ADGRV1: variants seen among roughly 807,000 people sequenced by gnomAD.
ADGRV1 encodes adhesion G protein-coupled receptor V1, also known as G-protein coupled receptor 98.
Under a neutral mutation model 596.2 loss-of-function variants are expected in ADGRV1, and 359 were observed. The ratio of observed to expected loss-of-function variants is 0.60; its 90% CI spans 0.55 to 0.66. The LOEUF (loss-of-function observed/expected upper bound fraction) is 0.66, where lower values mean the gene tolerates loss of function less well. ADGRV1 is among the 30% of genes least tolerant of loss of function. ADGRV1 has a pLI of 0.00. For missense variants in ADGRV1, 7,274 were observed against 7,575.6 expected, an observed-to-expected ratio of 0.96 and a Z score of 1.48; for synonymous variants, 2,681 against 2,679.2, an observed-to-expected ratio of 1.00 and a Z score of -0.02.
chr5:90,881,602 A>G (rs1769781552), intron 83 of ADGRV1, among the ~76,000 whole-genome samples: 1 of 152,162 alleles, frequency 6.6e-6, no homozygotes, highest in Non-Finnish European at 1.5e-5. Context: ...TGGGTGATGT[A>G]TATCAGGGAT....
At chr5:90,741,241 C>A (rs1216497099) in intron 50 of ADGRV1, among the ~76,000 whole-genome samples, 2 of 152,178 alleles carry the variant, frequency 1.3e-5, no homozygotes, top group Non-Finnish European at 2.9e-5. Context: ...TCCACACTAT[C>A]TTTACTTTGC....
intron 86 of ADGRV1, among the ~76,000 whole-genome samples, chr5:91,093,865 T>G (rs1018743068): frequency 2.0e-5 from 3 of 151,536 alleles, no homozygotes; most frequent in African/African-American, 4.8e-5. Flanking sequence ...TTTTTTTTTT[T>G]TTTTGAGATA....
chr5:90,710,939 T>C, intron 39 of ADGRV1, 42 bp from the exon 40 acceptor site: 1 of 1,155,448 alleles, frequency 8.7e-7, no homozygotes, highest in East Asian at 2.6e-5. Flanking sequence ...ATATTTTTAA[T>C]CATTTATATG....
At chr5:91,051,472 A>C (rs12189005) in intron 85 of ADGRV1, among the ~76,000 whole-genome samples, 35,645 of 151,374 alleles carry the variant, frequency 0.24, 4,511 homozygotes, top group Non-Finnish European at 0.28. Context: ...GAGCATATTT[A>C]AGGTAGGCTA....
At chr5:91,128,264 TC>T (rs1348842547) in intron 87 of ADGRV1, among the ~76,000 whole-genome samples, 5 of 152,010 alleles carry the variant, frequency 3.3e-5, no homozygotes, top group South Asian at 2.1e-4. Flanking sequence ...GTATAGACAG[TC>T]CCTGACTTAG....
chr5:91,161,298 C>G (rs532069152), intron 89 of ADGRV1, among the ~76,000 whole-genome samples: 5 of 152,142 alleles, frequency 3.3e-5, no homozygotes, highest in Admixed American at 2.6e-4. Context: ...ATTTGTCCTT[C>G]GAAGGCCTGG....
At position 90,694,324 on chromosome 5, in the gene ADGRV1, C is replaced by G; in HGVS notation, c.7568C>G (p.Thr2523Arg). The part of the protein sequence containing the change: ...MQEGDEFANL[T>R]VSILPDDFPE... ...GAAGGTGATGAATTCGCAAATCTCA[C>G]AGTGTCTATTCTTCCTGATGATTTC... The change falls in exon 33 of 90, where the codon ACA becomes AGA. Residue 2523 changes from threonine to arginine, a missense_variant. Physicochemically the swap from Thr to Arg is moderately conservative, Grantham distance 71. Around this residue, in one of 5 missense-constraint regions of ADGRV1, gnomAD observed 3,643 missense variants for 3,809.2 expected, o/e 0.96. Transcript: ENST00000405460. The G allele has an allele frequency of 2.5e-6, 4 of 1,613,994 alleles. No homozygotes were observed. The highest frequency in any genetic ancestry group is 3.4e-6 in the Non-Finnish European group (4 of 1,179,884).
chr5:90,994,655 C>T (rs1443655829), intron 85 of ADGRV1, among the ~76,000 whole-genome samples: 1 of 152,086 alleles, frequency 6.6e-6, no homozygotes, highest in Non-Finnish European at 1.5e-5. Flanking sequence ...ATTGGACATT[C>T]TATGTGGAAA....
chr5:91,037,260 C>T (rs1244489547), intron 85 of ADGRV1, among the ~76,000 whole-genome samples: 6 of 152,116 alleles, frequency 3.9e-5, no homozygotes, highest in South Asian at 2.1e-4. Flanking sequence ...TAGAAGGACA[C>T]GTCTTTTTTG....
At chr5:90,854,786 G>A (rs960931154) in intron 81 of ADGRV1, among the ~76,000 whole-genome samples, 1 of 152,176 alleles carries the variant, frequency 6.6e-6, no homozygotes, top group Non-Finnish European at 1.5e-5. Flanking sequence ...AGGGTCTAGG[G>A]TTCCTGTCAG....
intron 21 of ADGRV1, among the ~76,000 whole-genome samples, chr5:90,668,367 G>A (rs969063416): frequency 6.6e-6 from 1 of 151,200 alleles, no homozygotes; most frequent in South Asian, 2.1e-4. Context: ...GGAGTGACCC[G>A]ATTTTCCAGG....
chr5:90,632,534 G>A (rs1419118839), intron 9 of ADGRV1, among the ~76,000 whole-genome samples: 1 of 152,092 alleles, frequency 6.6e-6, no homozygotes, highest in Non-Finnish European at 1.5e-5. Context: ...TTTTGAAAAA[G>A]TCCAATATTT....
chr5:90,658,408 A>G (rs892728036), intron 21 of ADGRV1, 130 bp downstream of exon 21: 17 of 700,972 alleles, frequency 2.4e-5, no homozygotes, highest in Non-Finnish European at 3.4e-5. Flanking sequence ...TGCTAGGGCC[A>G]GTGATTGCAA....
chr5:90,606,013 T>C (rs1453697297), intron 1 of ADGRV1, among the ~76,000 whole-genome samples: 1 of 152,240 alleles, frequency 6.6e-6, no homozygotes, highest in East Asian at 1.9e-4. Context: ...AAGTCTGAGA[T>C]CTTTTATCAA....
chr5:90,916,438 G>A (rs184844747), intron 83 of ADGRV1, among the ~76,000 whole-genome samples: 177 of 151,920 alleles, frequency 1.2e-3, no homozygotes, highest in African/African-American at 4.2e-3. Context: ...AATTGATTAG[G>A]CCTCCTTTTT....
At chr5:90,644,301 G>A (rs1004649872) in intron 14 of ADGRV1, among the ~76,000 whole-genome samples, 1 of 152,164 alleles carries the variant, frequency 6.6e-6, no homozygotes, top group African/African-American at 2.4e-5. Flanking sequence ...AACTGTTGAG[G>A]TGACTGGAAA....
chr5:91,093,362 G>A (rs953487208), intron 86 of ADGRV1, among the ~76,000 whole-genome samples: 3 of 152,314 alleles, frequency 2.0e-5, no homozygotes, highest in African/African-American at 7.2e-5. Context: ...ACTTTTCCCT[G>A]AAATGCATTC....
intron 83 of ADGRV1, among the ~76,000 whole-genome samples, chr5:90,950,780 C>G (rs1776992865): frequency 6.6e-6 from 1 of 152,122 alleles, no homozygotes; most frequent in African/African-American, 2.4e-5. Flanking sequence ...AACAAAATTT[C>G]AACTTGGCAC....
intron 85 of ADGRV1, among the ~76,000 whole-genome samples, chr5:91,032,497 G>A (rs1784559787): frequency 6.6e-6 from 1 of 151,806 alleles, no homozygotes; most frequent in Non-Finnish European, 1.5e-5. Context: ...CACCAATATT[G>A]GCTTATATCA....
Sources: gnomAD v4.1 joint callset for allele counts (sites outside exome capture counted in the v4.1 genomes callset) on GRCh38, gnomAD v4.1.1 for gene constraint, gnomAD v4.1.1 regional missense constraint, MANE v1.5 for transcripts, NCBI Gene and HGNC (gene_info 2026-07-23, HGNC 2026-07-21) for gene names.